Variants in CTDSPL2 observed in about 807,000 individuals in gnomAD.
CTDSPL2 encodes the protein CTD small phosphatase like 2.
A neutral mutation model predicts 60.0 loss-of-function variants in CTDSPL2; 5 were observed. The ratio of observed to expected loss-of-function variants is 0.08; its 90% confidence interval spans 0.04 to 0.18. The LOEUF (loss-of-function observed/expected upper bound fraction) is 0.18. CTDSPL2 is among the 10% of genes least tolerant of loss of function. CTDSPL2 has a pLI of 1.00. For synonymous variants in CTDSPL2, 186 were observed against 189.3 expected (o/e 0.98, Z 0.14); for missense variants, 370 against 548.8 (o/e 0.67, Z 3.26).
chr15:44,438,016 G>C (rs1199415749), intron 1 of CTDSPL2, among the ~76,000 whole-genome samples: 1 of 152,198 alleles, frequency 6.6e-6, no homozygotes, highest in Non-Finnish European at 1.5e-5. Context: ...TGTAATCCCA[G>C]CACTTTGGGA....
chr15:44,517,697 G>A (rs1233000103), intron 10 of CTDSPL2, among the ~76,000 whole-genome samples: 2 of 152,142 alleles, frequency 1.3e-5, no homozygotes, highest in South Asian at 2.1e-4. Context: ...TAGTATCCAC[G>A]TACAGATTCA....
In CTDSPL2 at chr15:44,434,387, A is replaced by G. The variant is rs1296723816; in HGVS notation, c.-25+6615A>G. ...TGCACTGCAGCCTGACGGCAGAGCAAGACTCAGTCTCAAGAAAAAAAAAGA... is the reference window on the plus strand; with the variant it reads ...TGCACTGCAGCCTGACGGCAGAGCAGGACTCAGTCTCAAGAAAAAAAAAGA... On this transcript the variant is annotated intron_variant, in intron 1 of 12. Transcript: ENST00000260327. Among the ~76,000 whole-genome samples the G allele has an allele frequency of 3.3e-5, 5 of 152,310 alleles. No individual in the cohort carries two copies. The East Asian group carries it at 9.6e-4, about 29-fold the overall frequency.
At chr15:44,506,187 G>A (rs2081459682) in intron 8 of CTDSPL2, among the ~76,000 whole-genome samples, 1 of 151,364 alleles carries the variant, frequency 6.6e-6, no homozygotes, top group Non-Finnish European at 1.5e-5. Flanking sequence ...GTGCTACTGA[G>A]GCCGGCTAAT....
intron 2 of CTDSPL2, among the ~76,000 whole-genome samples, chr15:44,483,124 T>A (rs956480646): frequency 1.3e-5 from 2 of 152,022 alleles, no homozygotes; most frequent in Non-Finnish European, 2.9e-5. Context: ...CGGGGCGTGG[T>A]GGTGCGTGCC....
chr15:44,450,589 A>ATTTTTTT (rs36016079), intron 1 of CTDSPL2, among the ~76,000 whole-genome samples: 63 of 88,686 alleles, frequency 7.1e-4, no homozygotes, highest in Middle Eastern at 0.01. Flanking sequence ...TATATTCTTA[A>ATTTTTTT]TTTTTTTTTT....
intron 1 of CTDSPL2, among the ~76,000 whole-genome samples, chr15:44,445,567 AT>A (rs1302539429): frequency 6.6e-6 from 1 of 151,600 alleles, no homozygotes; most frequent in Non-Finnish European, 1.5e-5. Context: ...TCTACTCTGT[AT>A]TTGTAACATT....
At chr15:44,512,640 A>G (rs920544094) in intron 8 of CTDSPL2, among the ~76,000 whole-genome samples, 1 of 152,202 alleles carries the variant, frequency 6.6e-6, no homozygotes, top group African/African-American at 2.4e-5. Context: ...ACTACACCAA[A>G]TGTTTCAGGA....
Position 44,521,417 on chromosome 15 carries a change from C to T in CTDSPL2, c.1335+11C>T. The T allele has an allele frequency of 7.2e-7, 1 of 1,387,976 alleles. No individual in the cohort carries two copies. The highest frequency in any genetic ancestry group is 2.3e-5 in the East Asian group (1 of 42,876). The allele number at this position is 1,387,976 out of a possible 1,614,324, so 86.0% of individuals were successfully genotyped here. On this transcript the variant is annotated intron_variant, in intron 12 of 12. Coordinates refer to ENST00000260327, the MANE Select transcript of CTDSPL2 (RefSeq NM_016396.3). ...AAGCTTGTAGAACTGGTAAGTGTAG[C>T]TTATCTTTTTCTGTTGTGTTTTTGT...
At chr15:44,517,806 C>A (rs1019402770) in intron 10 of CTDSPL2, among the ~76,000 whole-genome samples, 2 of 152,176 alleles carry the variant, frequency 1.3e-5, no homozygotes, top group African/African-American at 4.8e-5. Context: ...TTCCTCATAT[C>A]TAAATGTTTA....
chr15:44,524,031 C>T, intron 12 of CTDSPL2, 78 bp from the exon 13 acceptor site: 1 of 1,109,542 alleles, frequency 9.0e-7, no homozygotes, highest in Admixed American at 1.8e-5. Flanking sequence ...GTTTTCTCTG[C>T]AAGGTAAGAA....
rs2079788154 is a variant in CTDSPL2, at chr15:44,428,271, AC to A, written c.-25+500del. Among the ~76,000 whole-genome samples the A allele has an allele frequency of 2.0e-5, 3 of 152,248 alleles. No individual in the cohort carries two copies. The South Asian group carries it at 6.2e-4, about 32-fold the overall frequency. On this transcript the variant is annotated intron_variant, in intron 1 of 12. Coordinates refer to ENST00000260327, the MANE Select transcript of CTDSPL2 (RefSeq NM_016396.3). ...TGACTAAGTTCTGTTTATCTTTTGTACTGTTAAAATCTCGAGTTGACATTGT... is the reference window on the plus strand; with the variant it reads ...TGACTAAGTTCTGTTTATCTTTTGTATGTTAAAATCTCGAGTTGACATTGT...
intron 2 of CTDSPL2, among the ~76,000 whole-genome samples, chr15:44,474,749 G>A (rs1450106162): frequency 1.3e-5 from 2 of 151,742 alleles, no homozygotes; most frequent in Admixed American, 6.6e-5. Flanking sequence ...CCAGCTACTC[G>A]GGAGGCTGAG....
intron 1 of CTDSPL2, among the ~76,000 whole-genome samples, chr15:44,453,814 C>G (rs2080380050): frequency 6.6e-6 from 1 of 151,836 alleles, no homozygotes; most frequent in African/African-American, 2.4e-5. Flanking sequence ...TTTTCTTAAT[C>G]CAGTCTATCA....
chr15:44,499,385 C>A (rs547005320), intron 7 of CTDSPL2, among the ~76,000 whole-genome samples: 1 of 152,028 alleles, frequency 6.6e-6, no homozygotes, highest in African/African-American at 2.4e-5. Context: ...AGCCTGAGAG[C>A]GAGACTCTGT....
chr15:44,428,321 A>G (rs2079789358), intron 1 of CTDSPL2, among the ~76,000 whole-genome samples: 1 of 152,226 alleles, frequency 6.6e-6, no homozygotes, highest in Non-Finnish European at 1.5e-5. Context: ...CGGGAGTGGT[A>G]GTAAAGAACA....
chr15:44,456,708 T>G (rs993863417), intron 1 of CTDSPL2, among the ~76,000 whole-genome samples: 1 of 139,962 alleles, frequency 7.1e-6, no homozygotes, highest in Admixed American at 6.9e-5. Flanking sequence ...GATTCATTGA[T>G]TTTTTTTAAG....
Position 44,486,676 on chromosome 15 carries a change from T to A in CTDSPL2, c.451T>A (p.Phe151Ile). 1 of 1,583,880 alleles carries A rather than the reference T, an allele frequency of 6.3e-7. No individual in the cohort carries two copies. ...GACCATATTTTCACCTGTCTTCAAC[T>A]TTTTTTCACCAGCAAATAAAAATGG... ...LGTIFSPVFN[F>I]FSPANKNGTS... The change falls in exon 4 of 13, where the codon TTT becomes ATT. Residue 151 changes from phenylalanine to isoleucine, a missense_variant. Around this residue, in one of 6 missense-constraint regions of CTDSPL2, gnomAD observed 287 missense variants for 296.1 expected, o/e 0.97. Transcript: ENST00000260327.
chr15:44,506,476 A>G (rs2081468362), intron 8 of CTDSPL2, among the ~76,000 whole-genome samples: 1 of 134,426 alleles, frequency 7.4e-6, no homozygotes, highest in African/African-American at 2.9e-5. Context: ...GAGTGCATTG[A>G]CACAATCTCT....
intron 10 of CTDSPL2, among the ~76,000 whole-genome samples, chr15:44,515,352 C>T (rs2081631216): frequency 6.6e-6 from 1 of 152,148 alleles, no homozygotes; most frequent in Non-Finnish European, 1.5e-5. Context: ...GTTATCCTGA[C>T]TGGACTCAGT....
Sources: allele counts gnomAD v4.1 joint callset (sites outside exome capture counted in the v4.1 genomes callset), GRCh38; gene constraint gnomAD v4.1.1; regional missense constraint gnomAD v4.1.1; transcripts MANE v1.5; gene names NCBI Gene and HGNC (gene_info 2026-07-23, HGNC 2026-07-21).